CCDC171: variants seen among roughly 807,000 people sequenced by gnomAD.
CCDC171 encodes coiled-coil domain-containing protein 171.
In CCDC171, 177 loss-of-function variants were observed where a neutral mutation model predicts 168.2. The ratio of observed to expected loss-of-function variants is 1.05; its 90% CI spans 0.93 to 1.19. The LOEUF (loss-of-function observed/expected upper bound fraction) is 1.19. CCDC171 is among the 50% of genes most tolerant of loss of function. The pLI is 0.00. For synonymous variants in CCDC171, 687 were observed against 540.8 expected (o/e 1.27, Z -3.75); for missense variants, 1,991 against 1,539.0 (o/e 1.29, Z -4.91).
chr9:15,980,490 A>G (rs73413904), intron 3 of CCDC171, among the ~76,000 whole-genome samples: 67 of 152,192 alleles, frequency 4.4e-4, no homozygotes, highest in African/African-American at 1.3e-3. Flanking sequence ...AATAGCCTGC[A>G]TGTATGGCCT....
intron 24 of CCDC171, among the ~76,000 whole-genome samples, chr9:15,901,322 G>A (rs1185762587): frequency 7.2e-5 from 11 of 152,068 alleles, no homozygotes; most frequent in Non-Finnish European, 1.3e-4. Context: ...ACCAATAGCC[G>A]TAATGTAAAC....
At chr9:15,908,723 A>G (rs111258837) in intron 24 of CCDC171, among the ~76,000 whole-genome samples, 437 of 152,292 alleles carry the variant, frequency 2.9e-3, no homozygotes, top group Non-Finnish European at 5.2e-3. Flanking sequence ...ATGGTTCTGT[A>G]GGCTTCTAGG....
chr9:15,673,150 T>G (rs1011906352), intron 9 of CCDC171, among the ~76,000 whole-genome samples: 4 of 151,752 alleles, frequency 2.6e-5, no homozygotes, highest in Admixed American at 1.3e-4. Flanking sequence ...GAATTGGCTG[T>G]CTGTCTGTTA....
chr9:16,070,669 C>T, the CCDC171 span, among the ~76,000 whole-genome samples: 8 of 152,146 alleles, frequency 5.3e-5, no homozygotes, highest in African/African-American at 1.9e-4. Context: ...AGAGGAGCCG[C>T]CTGGTTTCCT....
At chr9:15,952,113 C>A (rs1414576045) in intron 25 of CCDC171, among the ~76,000 whole-genome samples, 1 of 152,158 alleles carries the variant, frequency 6.6e-6, no homozygotes, top group East Asian at 1.9e-4. Context: ...TGCAGTTCTC[C>A]TAGCACTGTT....
intron 23 of CCDC171, among the ~76,000 whole-genome samples, chr9:15,852,205 A>G (rs572726098): frequency 3.4e-4 from 51 of 151,884 alleles, no homozygotes; most frequent in South Asian, 1.7e-3. Flanking sequence ...ACCATTATGG[A>G]TAAGCATTCT....
intron 24 of CCDC171, among the ~76,000 whole-genome samples, chr9:15,900,501 C>T (rs1190076173): frequency 9.3e-6 from 1 of 108,068 alleles, no homozygotes; most frequent in Non-Finnish European, 1.9e-5. Flanking sequence ...TTGATTTCAG[C>T]CTGCTGAGAC....
intron 6 of CCDC171, among the ~76,000 whole-genome samples, chr9:16,025,426 C>G (rs993629443): frequency 3.9e-5 from 6 of 152,118 alleles, no homozygotes; most frequent in African/African-American, 1.4e-4. Flanking sequence ...GGCACTGCAG[C>G]CTAGCCTGGG....
intron 21 of CCDC171, among the ~76,000 whole-genome samples, chr9:15,811,787 A>G (rs779000275): frequency 1.7e-4 from 26 of 152,224 alleles, no homozygotes; most frequent in Middle Eastern, 3.2e-3. Context: ...GAGTCTACCT[A>G]TAGGTAAAAT....
In CCDC171 at chr9:15,971,685, A is replaced by T. The variant is rs781534328; in HGVS notation, c.3830A>T (p.Asp1277Val). Residue 1277 changes from aspartate to valine, a missense_variant, in exon 26 of 26, where the codon GAT becomes GTT. Transcript: ENST00000380701. Reference protein sequence around the residue: ...PLPADTTGIGDFLPLKAELDT... With the variant: ...PLPADTTGIGVFLPLKAELDT... ...CCTGCTGACACAACTGGTATTGGGG[A>T]TTTCTTACCATTGAAAGCTGAACTT... 6.2e-7 allele frequency: 1 copy of T among 1,613,764 alleles called. No individual in the cohort carries two copies. The highest frequency in any genetic ancestry group is 1.1e-5 in the South Asian group (1 of 91,064).
intron 11 of CCDC171, among the ~76,000 whole-genome samples, chr9:15,704,606 C>G (rs1030233241): frequency 2.6e-5 from 4 of 152,112 alleles, no homozygotes; most frequent in African/African-American, 9.7e-5. Context: ...TGAATGAAAA[C>G]TATTTTCTTG....
intron 9 of CCDC171, among the ~76,000 whole-genome samples, chr9:15,667,712 T>C (rs182869014): frequency 1.3e-5 from 2 of 152,296 alleles, no homozygotes; most frequent in Admixed American, 1.3e-4. Flanking sequence ...GTGATTTAAA[T>C]AGCGGTAATT....
chr9:15,944,330 G>C (rs758048213), intron 25 of CCDC171, among the ~76,000 whole-genome samples: 9 of 151,984 alleles, frequency 5.9e-5, no homozygotes, highest in Middle Eastern at 3.4e-3. Context: ...TTCAGGTAAA[G>C]GCATAATCTG....
At chr9:15,684,245 C>T (rs1385115278) in intron 10 of CCDC171, among the ~76,000 whole-genome samples, 1 of 151,892 alleles carries the variant, frequency 6.6e-6, no homozygotes, top group Non-Finnish European at 1.5e-5. Flanking sequence ...AAATAAAAAA[C>T]TTAAAAGTTT....
At chr9:15,562,502 A>G (rs1436440104) in intron 1 of CCDC171, among the ~76,000 whole-genome samples, 12 of 152,178 alleles carry the variant, frequency 7.9e-5, no homozygotes, top group Admixed American at 7.9e-4. Context: ...TGAAGATGTT[A>G]GGTGCCAAAA....
chr9:15,634,772 A>G (rs1450998262), intron 7 of CCDC171, among the ~76,000 whole-genome samples: 1 of 152,210 alleles, frequency 6.6e-6, no homozygotes, highest in East Asian at 1.9e-4. Context: ...ATCACACAAT[A>G]AGAAACCCTG....
chr9:15,983,503 T>TGA (rs1194815306), intron 3 of CCDC171, among the ~76,000 whole-genome samples: 12 of 136,696 alleles, frequency 8.8e-5, no homozygotes, highest in African/African-American at 3.6e-4. Context: ...TGTGTGTGTG[T>TGA]GTGTGTGTGA....
At chr9:15,770,335 G>A (rs1009207671) in intron 18 of CCDC171, among the ~76,000 whole-genome samples, 57 of 152,228 alleles carry the variant, frequency 3.7e-4, no homozygotes, top group African/African-American at 1.4e-3. Context: ...GTCCTGTCTT[G>A]TACTTAATGG....
At chr9:15,907,155 T>A (rs1376352020) in intron 24 of CCDC171, among the ~76,000 whole-genome samples, 1 of 152,170 alleles carries the variant, frequency 6.6e-6, no homozygotes, top group African/African-American at 2.4e-5. Context: ...GGAAAAAACC[T>A]ACTTTAAAGT....
Sources: allele counts gnomAD v4.1 joint callset (sites outside exome capture counted in the v4.1 genomes callset), GRCh38; gene constraint gnomAD v4.1.1; transcripts MANE v1.5; gene names NCBI Gene and HGNC (gene_info 2026-07-23, HGNC 2026-07-21).